OPCML: variants seen among roughly 807,000 people sequenced by gnomAD.
OPCML encodes opioid-binding protein/cell adhesion molecule.
A neutral mutation model predicts 37.8 loss-of-function variants in OPCML; 13 were observed. The ratio of observed to expected loss-of-function variants is 0.34; its 90% CI spans 0.22 to 0.55. The LOEUF (loss-of-function observed/expected upper bound fraction) is 0.55, where lower values mean the gene tolerates loss of function less well. Ranked by LOEUF, OPCML falls within the 20% of genes least tolerant of loss-of-function variation. OPCML has a pLI of 0.91. For synonymous variants in OPCML, 176 were observed against 168.8 expected (o/e 1.04, Z -0.33); for missense variants, 341 against 435.6 (o/e 0.78, Z 1.93).
At chr11:132,806,736 T>C (rs1054241191) in intron 2 of OPCML, among the ~76,000 whole-genome samples, 4 of 152,144 alleles carry the variant, frequency 2.6e-5, no homozygotes, top group African/African-American at 9.7e-5. Context: ...GATCTAAACA[T>C]GGTTGTCAAC....
chr11:133,392,352 T>C (rs1945190806), intron 1 of OPCML, among the ~76,000 whole-genome samples: 1 of 152,190 alleles, frequency 6.6e-6, no homozygotes, highest in Admixed American at 6.5e-5. Context: ...ATCTGCCATA[T>C]CTTGCAACAT....
chr11:132,501,484 C>A (rs571472503), intron 4 of OPCML, among the ~76,000 whole-genome samples: 6 of 152,322 alleles, frequency 3.9e-5, no homozygotes, highest in African/African-American at 1.4e-4. Flanking sequence ...CCTTTGGGAA[C>A]TATCATTTGC....
intron 4 of OPCML, among the ~76,000 whole-genome samples, chr11:132,467,335 C>T (rs896603216): frequency 2.0e-5 from 3 of 152,210 alleles, no homozygotes; most frequent in African/African-American, 7.2e-5. Flanking sequence ...TTTTTCAATC[C>T]TCCCTCCTCA....
At chr11:132,933,419 A>C (rs1183280455) in intron 2 of OPCML, among the ~76,000 whole-genome samples, 2 of 152,214 alleles carry the variant, frequency 1.3e-5, no homozygotes, top group Admixed American at 6.5e-5. Flanking sequence ...CAATTATAAC[A>C]AGCAGGCAGA....
chr11:133,254,039 G>C (rs1019479556), intron 1 of OPCML, among the ~76,000 whole-genome samples: 2 of 152,062 alleles, frequency 1.3e-5, no homozygotes, highest in Non-Finnish European at 2.9e-5. Flanking sequence ...TCAAAGACAT[G>C]CAATTAGTCA....
intron 1 of OPCML, among the ~76,000 whole-genome samples, chr11:133,034,308 G>GGTGTGT (rs71038514): frequency 0.056 from 8,019 of 143,424 alleles, 314 homozygotes; most frequent in South Asian, 0.16. Context: ...TGTATGTATA[G>GGTGTGT]GTGTGTGTGT....
intron 4 of OPCML, among the ~76,000 whole-genome samples, chr11:132,468,461 T>C (rs999860024): frequency 1.3e-5 from 2 of 152,236 alleles, no homozygotes; most frequent in Non-Finnish European, 2.9e-5. Context: ...CTGCACTCGT[T>C]ATGTTGCTTT....
rs71067383 is a variant in OPCML, at chr11:132,638,186, T to TATATATAC, written c.379+18900_379+18901insGTATATAT. Among the ~76,000 whole-genome samples the TATATATAC allele has an allele frequency of 6.9e-5, 9 of 131,082 alleles. No individual in the cohort carries two copies. In the East Asian group the frequency reaches 8.9e-4, roughly 13 times the overall value. 86.0% of individuals were successfully genotyped at this position (131,082 alleles called of 152,430 possible). ...GACTATATATATATATATATATATA[T>TATATATAC]ACAGAGAGAGAGAGAGCATATATAC... is the stretch of plus-strand genomic sequence containing the variant. On this transcript the variant is annotated intron_variant, in intron 3 of 7. Coordinates refer to ENST00000524381, the MANE Select transcript of OPCML (RefSeq NM_001012393.5).
At chr11:132,752,247 C>T (rs767992298) in intron 2 of OPCML, among the ~76,000 whole-genome samples, 11 of 149,628 alleles carry the variant, frequency 7.4e-5, no homozygotes, top group Admixed American at 2.0e-4. Flanking sequence ...CACCAAGCAT[C>T]CCCTTAAAAT....
intron 1 of OPCML, among the ~76,000 whole-genome samples, chr11:133,277,373 T>G (rs1188453064): frequency 1.3e-5 from 2 of 152,048 alleles, no homozygotes; most frequent in African/African-American, 2.4e-5. Flanking sequence ...AAAATAAAAC[T>G]CATTCCTTCA....
At chr11:132,867,977 G>A (rs1484443670) in intron 2 of OPCML, among the ~76,000 whole-genome samples, 4 of 152,098 alleles carry the variant, frequency 2.6e-5, no homozygotes, top group Admixed American at 6.5e-5. Context: ...AAGTTCTCTC[G>A]GGGCTCCGTG....
chr11:132,810,049 C>T (rs1939248694), intron 2 of OPCML, among the ~76,000 whole-genome samples: 2 of 152,038 alleles, frequency 1.3e-5, no homozygotes, highest in African/African-American at 4.8e-5. Context: ...CGGGATTTCA[C>T]CATGTTGGCC....
chr11:132,861,275 C>T (rs1180044303), intron 2 of OPCML, among the ~76,000 whole-genome samples: 1 of 152,182 alleles, frequency 6.6e-6, no homozygotes, highest in Non-Finnish European at 1.5e-5. Flanking sequence ...GGGCTAGGCG[C>T]TTGTTTTCAA....
chr11:133,327,638 A>G (rs113897252), intron 1 of OPCML, among the ~76,000 whole-genome samples: 3,249 of 152,242 alleles, frequency 0.021, 113 homozygotes, highest in African/African-American at 0.073. Context: ...CTTCTGTTTA[A>G]GGACCAACAT....
At chr11:132,886,211 AT>A (rs1331349730) in intron 2 of OPCML, among the ~76,000 whole-genome samples, 2 of 152,162 alleles carry the variant, frequency 1.3e-5, no homozygotes, top group Admixed American at 6.5e-5. Flanking sequence ...TATTATTTCT[AT>A]TTTATTTTTT....
Position 133,055,717 on chromosome 11 carries a change from A to G in OPCML, c.62-112707T>C, listed in dbSNP as rs187719757. On this transcript the variant is annotated intron_variant, in intron 1 of 7. Transcript: ENST00000524381. ...AGTGGTGAGACCCCATGAGGGAGCC[A>G]CCTCTATCGTACAATGCTGCCTCCA... 1.5e-3 allele frequency among the ~76,000 whole-genome samples: 185 copies of G among 121,086 alleles called. 1 individual carries two copies. The highest frequency in any genetic ancestry group is 1.8e-3 in the Non-Finnish European group (106 of 57,740). The allele number at this position is 121,086 out of a possible 152,430, so 79.4% of individuals were successfully genotyped here. A position where few individuals can be genotyped will look rare whatever the true frequency, so the allele number is the denominator to read the frequency against.
At chr11:133,475,001 A>G (rs1014458880) in intron 1 of OPCML, among the ~76,000 whole-genome samples, 1 of 152,154 alleles carries the variant, frequency 6.6e-6, no homozygotes, top group Non-Finnish European at 1.5e-5. Context: ...TACCACGGTT[A>G]CCAAGAAAGT....
At chr11:133,102,572 C>T (rs1949099062) in intron 1 of OPCML, among the ~76,000 whole-genome samples, 2 of 152,004 alleles carry the variant, frequency 1.3e-5, no homozygotes, top group Admixed American at 6.6e-5. Context: ...CATGGTGAAA[C>T]CCTTCTCTAC....
intron 4 of OPCML, among the ~76,000 whole-genome samples, chr11:132,462,212 C>T (rs114353839): frequency 0.039 from 5,905 of 152,124 alleles, 326 homozygotes; most frequent in African/African-American, 0.13. Context: ...ATCCCCCCAC[C>T]GCACCGCCCC....
Sources: allele counts gnomAD v4.1 joint callset (sites outside exome capture counted in the v4.1 genomes callset), GRCh38; gene constraint gnomAD v4.1.1; transcripts MANE v1.5; gene names NCBI Gene and HGNC (gene_info 2026-07-23, HGNC 2026-07-21).